The following LRCH3 variants were observed in gnomAD, a reference collection of about 807,000 sequenced individuals.
The protein encoded by LRCH3 is DISP complex protein LRCH3.
A neutral mutation model predicts 104.5 loss-of-function variants in LRCH3; 68 were observed. The observed-to-expected ratio is 0.65, with a 90% confidence interval of 0.54 to 0.80. The LOEUF is 0.80. LRCH3 is among the 30% of genes least tolerant of loss of function. LRCH3 has a pLI of 0.00. For synonymous variants in LRCH3, 344 were observed against 361.3 expected (o/e 0.95, Z 0.54); for missense variants, 951 against 953.9 (o/e 1.00, Z 0.04).
At chr3:197,811,714 T>C (rs1264914133) in intron 1 of LRCH3, among the ~76,000 whole-genome samples, 1 of 152,186 alleles carries the variant, frequency 6.6e-6, no homozygotes, top group Non-Finnish European at 1.5e-5. Flanking sequence ...CATAATTACA[T>C]AGCCAAATAG....
chr3:197,798,046 G>A (rs1731462954), intron 1 of LRCH3, among the ~76,000 whole-genome samples: 2 of 152,024 alleles, frequency 1.3e-5, no homozygotes, highest in African/African-American at 4.8e-5. Context: ...TGGATCACTT[G>A]AGCCCAGGAG....
At chr3:197,837,733 T>C (rs1263427624) in intron 9 of LRCH3, among the ~76,000 whole-genome samples, 2 of 152,104 alleles carry the variant, frequency 1.3e-5, no homozygotes, top group African/African-American at 2.4e-5. Flanking sequence ...AGAATAATTT[T>C]AGATAATTGC....
At chr3:197,850,339 G>GTA in intron 12 of LRCH3, 1 of 792,092 alleles carries the variant, frequency 1.3e-6, no homozygotes, top group Non-Finnish European at 2.0e-6. Context: ...CTCTCTTTAG[G>GTA]TACCATTTTT....
chr3:197,879,449 A>G (rs565598701), intron 20 of LRCH3, among the ~76,000 whole-genome samples: 6 of 151,418 alleles, frequency 4.0e-5, no homozygotes, highest in East Asian at 1.9e-4. Flanking sequence ...GATCGAGACC[A>G]TCCTGGCTAA....
In LRCH3 at chr3:197,866,193, C is replaced by A; in HGVS notation, c.1847C>A (p.Ala616Glu). ...CGCCCTGAAAGCTTCCTTTTCCGAG[C>A]AGGTGTCAGGGCAGAAACCAACAAA... Reference protein sequence around the residue: ...PQRPESFLFRAGVRAETNKGH... With the variant: ...PQRPESFLFREGVRAETNKGH... The change falls in exon 17 of 21, where the codon GCA (alanine) becomes GAA (glutamate). Residue 616 changes from alanine (A) to glutamate (E), a missense_variant. Physicochemically the swap from Ala to Glu is moderately radical, Grantham distance 107 (BLOSUM62 -1). Transcript: ENST00000425562. 1 of 1,613,964 alleles carries A rather than the reference C, an allele frequency of 6.2e-7. No individual in the cohort carries two copies.
chr3:197,835,750 C>A lies in LRCH3; in HGVS notation c.1179C>A (p.Pro393=). ...AAGAGGAGGCCGAGGTGAGACAGCC[C>A]AAGGGACCAGACCCAGACAGCCTTA... ...AEEEEAEVRQ[P]KGPDPDSLSS... Residue 393 remains proline (P), a synonymous_variant, in exon 9 of 21, where the codon CCC becomes CCA. Coordinates refer to ENST00000425562, the MANE Select transcript of LRCH3 (RefSeq NM_001365715.1). 6.2e-7 allele frequency: 1 copy of A among 1,613,936 alleles called. No individual in the cohort carries two copies. The highest frequency in any genetic ancestry group is 1.1e-5 in the South Asian group (1 of 91,060).
chr3:197,835,988 TCAGA>T lies in LRCH3; in HGVS notation c.1251+170_1251+173del, dbSNP rs536170336. 4.6e-5 allele frequency among the ~76,000 whole-genome samples: 7 copies of T among 152,324 alleles called. No homozygotes were observed. In the East Asian group the frequency reaches 1.3e-3, roughly 29 times the overall value. ...AGTTTTTCAGATTTATTCAGAAAAC[TCAGA>T]CAGCAGCCTCAAGTAGGCTTTAGGT... On this transcript the variant is annotated intron_variant, in intron 9 of 20. Coordinates refer to ENST00000425562, the MANE Select transcript of LRCH3 (RefSeq NM_001365715.1).
At chr3:197,828,703 C>CTTT (rs752665561) in intron 5 of LRCH3, among the ~76,000 whole-genome samples, 16 of 112,814 alleles carry the variant, frequency 1.4e-4, no homozygotes, top group East Asian at 2.5e-4. Context: ...ATATGTTACT[C>CTTT]TTTTTTTTTT....
intron 1 of LRCH3, among the ~76,000 whole-genome samples, chr3:197,813,360 T>C (rs957390002): frequency 7.9e-5 from 12 of 152,088 alleles, no homozygotes; most frequent in African/African-American, 2.9e-4. Context: ...TCAAAATGGG[T>C]AATGATAGAG....
chr3:197,880,905 T>C, intron 20 of LRCH3: 1 of 1,427,016 alleles, frequency 7.0e-7, no homozygotes, highest in South Asian at 1.5e-5. Flanking sequence ...CATTTACGAT[T>C]GCTAACAAAG....
intron 5 of LRCH3, among the ~76,000 whole-genome samples, chr3:197,827,555 A>G (rs1233685473): frequency 1.3e-5 from 2 of 152,364 alleles, no homozygotes; most frequent in Non-Finnish European, 2.9e-5. Flanking sequence ...TTCTTTTAAA[A>G]TGGATTCACA....
chr3:197,820,484 C>A, intron 4 of LRCH3, 54 bp downstream of exon 4: 1 of 1,218,554 alleles, frequency 8.2e-7, no homozygotes, highest in Non-Finnish European at 1.2e-6. Flanking sequence ...TATTTTAAAG[C>A]TCTCTCAGAC....
At chr3:197,874,427 T>C (rs1176521031) in intron 19 of LRCH3, among the ~76,000 whole-genome samples, 1 of 152,190 alleles carries the variant, frequency 6.6e-6, no homozygotes, top group African/African-American at 2.4e-5. Flanking sequence ...GTGTCTCCCA[T>C]CATCCCCAGA....
chr3:197,843,696 G>T (rs897898268), intron 10 of LRCH3, among the ~76,000 whole-genome samples: 4 of 151,952 alleles, frequency 2.6e-5, no homozygotes, highest in African/African-American at 9.7e-5. Context: ...AAAAAAAAAA[G>T]TCTGCCTTAT....
intron 1 of LRCH3, among the ~76,000 whole-genome samples, chr3:197,802,425 T>C (rs992168555): frequency 3.3e-5 from 5 of 152,232 alleles, no homozygotes; most frequent in African/African-American, 1.2e-4. Context: ...TGCTGTGTTA[T>C]ATTTTGTTGA....
chr3:197,879,615 TC>T (rs1382372862), intron 20 of LRCH3, among the ~76,000 whole-genome samples: 2 of 151,782 alleles, frequency 1.3e-5, no homozygotes, highest in Non-Finnish European at 2.9e-5. Flanking sequence ...AGACTCCGTC[TC>T]AAAAAAAATA....
intron 5 of LRCH3, among the ~76,000 whole-genome samples, chr3:197,828,946 T>G (rs1436320967): frequency 6.6e-6 from 1 of 151,790 alleles, no homozygotes; most frequent in Non-Finnish European, 1.5e-5. Flanking sequence ...TGACCTCAGG[T>G]GATCCACCCA....
chr3:197,843,211 A>G (rs1738077142), intron 10 of LRCH3, among the ~76,000 whole-genome samples: 1 of 152,212 alleles, frequency 6.6e-6, no homozygotes, highest in Non-Finnish European at 1.5e-5. Flanking sequence ...GCAATATAGA[A>G]TTAACATTTA....
At chr3:197,791,241 G>A (rs774848882), upstream of LRCH3, 9 of 1,600,540 alleles carry the variant, frequency 5.6e-6, no homozygotes, top group Admixed American at 3.4e-5. Flanking sequence ...GGCCGCGCAT[G>A]CGCTGAGCTG....
Sources: allele counts gnomAD v4.1 joint callset (sites outside exome capture counted in the v4.1 genomes callset), GRCh38; gene constraint gnomAD v4.1.1; transcripts MANE v1.5; gene names NCBI Gene and HGNC (gene_info 2026-07-23, HGNC 2026-07-21).